SPECC1: variants seen among roughly 807,000 people sequenced by gnomAD.
SPECC1 encodes the protein sperm antigen with calponin homology and coiled-coil domains 1, also known as cytospin-B.
Under a neutral mutation model 104.1 loss-of-function variants are expected in SPECC1, and 62 were observed. That is an observed-to-expected ratio of 0.60 (90% CI 0.49 to 0.74). The LOEUF is 0.74. Among genes scored for constraint, SPECC1 ranks in the 30% least tolerant of loss-of-function variants. The probability of loss-of-function intolerance (pLI) is 0.00; values close to 1 mark genes in which losing one functional copy is unlikely to be tolerated. For synonymous variants in SPECC1, 513 were observed against 501.6 expected (o/e 1.02, Z -0.30); for missense variants, 1,306 against 1,310.5 (o/e 1.00, Z 0.05).
intron 14 of SPECC1, among the ~76,000 whole-genome samples, chr17:20,312,163 T>G (rs1415333933): frequency 6.6e-6 from 1 of 152,240 alleles, no homozygotes; most frequent in Non-Finnish European, 1.5e-5. Flanking sequence ...TTCCATTTTT[T>G]GAAGAGATTG....
rs574431904 is a variant in SPECC1 at position 20,141,819 on chromosome 17, T to C, written c.283+31257T>C. The stretch of plus-strand genomic sequence containing the variant: ...AGAATTGGAGTGTTTTCTGGACTAA[T>C]GTGTGTGCTATTTGCCTAAGGAACT... On this transcript the variant is annotated intron_variant, in intron 3 of 14. Transcript: ENST00000395527. Among the ~76,000 whole-genome samples the C allele has an allele frequency of 4.6e-5, 7 of 152,336 alleles. No homozygotes were observed. The South Asian group carries it at 1.0e-3, about 23-fold the overall frequency.
At chr17:20,270,467 AC>A (rs1323464190) in intron 12 of SPECC1, among the ~76,000 whole-genome samples, 6 of 108,422 alleles carry the variant, frequency 5.5e-5, no homozygotes, top group Admixed American at 1.0e-4. Context: ...AAAAAAAAAA[AC>A]ATTAGCCGGC....
intron 12 of SPECC1, among the ~76,000 whole-genome samples, chr17:20,279,131 A>C (rs2040673080): frequency 6.6e-6 from 1 of 152,138 alleles, no homozygotes; most frequent in South Asian, 2.1e-4. Flanking sequence ...ATGTGAGTCT[A>C]TTTAGATAAT....
chr17:20,268,632 A>G (rs556751819), intron 12 of SPECC1, among the ~76,000 whole-genome samples: 38 of 152,328 alleles, frequency 2.5e-4, no homozygotes, highest in African/African-American at 8.4e-4. Context: ...CTTCCACTCT[A>G]TTGAGGCCTT....
intron 12 of SPECC1, among the ~76,000 whole-genome samples, chr17:20,264,548 T>G (rs373866576): frequency 7.5e-6 from 1 of 134,194 alleles, no homozygotes; most frequent in Non-Finnish European, 1.5e-5. Flanking sequence ...CTCAGGTCAC[T>G]GCAACTTCCA....
intron 12 of SPECC1, among the ~76,000 whole-genome samples, chr17:20,265,080 C>T (rs2040173610): frequency 6.6e-6 from 1 of 152,158 alleles, no homozygotes; most frequent in Non-Finnish European, 1.5e-5. Flanking sequence ...AACAGTGCTG[C>T]AATGAACATA....
chr17:20,301,852 C>T lies in SPECC1; in HGVS notation c.3058-4171C>T, dbSNP rs1249603001. 3.3e-5 allele frequency among the ~76,000 whole-genome samples: 5 copies of T among 152,062 alleles called. No individual in the cohort carries two copies. In the East Asian group the frequency reaches 9.7e-4, roughly 29 times the overall value. On this transcript the variant is annotated intron_variant, in intron 13 of 14. Coordinates refer to ENST00000395527, the MANE Select transcript of SPECC1 (RefSeq NM_001243439.2). ...TCTCGAGTAGCTGTGACTACAGGCA[C>T]ACGGCACTACACCTGGCTAGTTTTT...
chr17:20,128,016 G>GA (rs1328114090), intron 3 of SPECC1, among the ~76,000 whole-genome samples: 1 of 152,000 alleles, frequency 6.6e-6, no homozygotes, highest in African/African-American at 2.4e-5. Flanking sequence ...ATACATTACT[G>GA]AAAAAAATCA....
chr17:20,170,839 A>G (rs1196161458), intron 3 of SPECC1, among the ~76,000 whole-genome samples: 1 of 152,222 alleles, frequency 6.6e-6, no homozygotes, highest in Non-Finnish European at 1.5e-5. Flanking sequence ...ATACATTTTT[A>G]TGTGAAACTA....
chr17:20,085,561 T>C (rs2047145968), intron 1 of SPECC1, among the ~76,000 whole-genome samples: 1 of 152,200 alleles, frequency 6.6e-6, no homozygotes, highest in Admixed American at 6.5e-5. Flanking sequence ...CTAGAAGCGA[T>C]TGATGCTGAC....
At chr17:20,182,698 C>T (rs556223500) in intron 3 of SPECC1, among the ~76,000 whole-genome samples, 4 of 152,172 alleles carry the variant, frequency 2.6e-5, no homozygotes, top group Admixed American at 6.5e-5. Context: ...TCAATGACAG[C>T]GTAATACTAT....
At chr17:20,161,786 CT>C (rs903851893) in intron 3 of SPECC1, among the ~76,000 whole-genome samples, 20 of 147,012 alleles carry the variant, frequency 1.4e-4, no homozygotes, top group African/African-American at 5.2e-4. Context: ...TCTGTCACTT[CT>C]TTTTTTCTTT....
At position 20,257,575 on chromosome 17, in the gene SPECC1, C is replaced by T; in HGVS notation, c.2805C>T (p.Ser935=). 6.2e-7 allele frequency: 1 copy of T among 1,613,094 alleles called. No homozygotes were observed. Residue 935 remains serine (S), a synonymous_variant, in exon 11 of 15, where the codon TCC becomes TCT. Transcript: ENST00000395527. ...GFGDTRLLSA[S]TRAWKPQSKL... ...GGGACACAAGACTGCTGAGTGCTTC[C>T]ACCCGGGCATGGAAACCACAAAGCA... is the stretch of plus-strand genomic sequence containing the variant.
chr17:20,205,009 C>T lies in SPECC1; in HGVS notation c.960C>T (p.Thr320=). 6.2e-7 allele frequency: 1 copy of T among 1,614,090 alleles called. No individual in the cohort carries two copies. Among genetic ancestry groups the T allele is most frequent in the Non-Finnish European group, 8.5e-7 (1 of 1,180,020 alleles). Residue 320 remains threonine, a synonymous_variant, in exon 4 of 15, where the codon ACC becomes ACT. Coordinates refer to ENST00000395527, the MANE Select transcript of SPECC1 (RefSeq NM_001243439.2). The stretch of plus-strand genomic sequence containing the variant: ...CAGGCTCCTCAAGTAGCGATGTTAC[C>T]AAAGCTTCTTTGTCGCCAGATGCTT... The part of the protein sequence containing the change: ...RTSGSSSSDV[T]KASLSPDASD...
At chr17:20,229,904 G>T (rs929286899) in intron 5 of SPECC1, among the ~76,000 whole-genome samples, 3 of 152,218 alleles carry the variant, frequency 2.0e-5, no homozygotes, top group Non-Finnish European at 2.9e-5. Flanking sequence ...CCAGGGTCAG[G>T]AAAATGTTAA....
chr17:20,097,865 TG>T (rs1180038240), intron 2 of SPECC1, among the ~76,000 whole-genome samples: 1 of 152,158 alleles, frequency 6.6e-6, no homozygotes, highest in Non-Finnish European at 1.5e-5. Flanking sequence ...TGTGTAAGAT[TG>T]TCATGAGCAT....
chr17:20,229,577 G>C (rs1421303388), intron 5 of SPECC1, among the ~76,000 whole-genome samples: 1 of 152,216 alleles, frequency 6.6e-6, no homozygotes, highest in Non-Finnish European at 1.5e-5. Context: ...TGGAGGCTGA[G>C]GTGGGAGGAT....
intron 12 of SPECC1, among the ~76,000 whole-genome samples, chr17:20,275,450 C>T (rs1248236121): frequency 1.3e-5 from 2 of 152,070 alleles, no homozygotes; most frequent in Non-Finnish European, 2.9e-5. Flanking sequence ...ATTTTACCAC[C>T]TTCTGTAGTA....
chr17:20,311,811 A>G (rs547408669), intron 14 of SPECC1, among the ~76,000 whole-genome samples: 2 of 152,322 alleles, frequency 1.3e-5, no homozygotes, highest in African/African-American at 4.8e-5. Flanking sequence ...GCTAGGTAAA[A>G]GAGGTTCCCT....
Sources: gnomAD v4.1 joint callset for allele counts (sites outside exome capture counted in the v4.1 genomes callset) on GRCh38, gnomAD v4.1.1 for gene constraint, MANE v1.5 for transcripts, NCBI Gene and HGNC (gene_info 2026-07-23, HGNC 2026-07-21) for gene names.